PDE4DIP: variants seen among roughly 807,000 people sequenced by gnomAD.
PDE4DIP encodes myomegalin.
A neutral mutation model predicts 221.4 loss-of-function variants in PDE4DIP; 59 were observed. The observed-to-expected ratio is 0.27, with a 90% CI of 0.22 to 0.33. PDE4DIP has a LOEUF of 0.33. PDE4DIP is among the 10% of genes least tolerant of loss of function. PDE4DIP has a pLI of 1.00. For synonymous variants in PDE4DIP, 404 were observed against 815.9 expected (o/e 0.50, Z 8.60); for missense variants, 1,036 against 2,154.2 (o/e 0.48, Z 10.28).
intron 5 of PDE4DIP, chr1:148,952,126 A>C (rs1249289974): frequency 9.7e-7 from 1 of 1,026,424 alleles, no homozygotes; most frequent in Admixed American, 5.8e-5. Flanking sequence ...AGGCGGGAGG[A>C]TCCTTGAGGG....
At chr1:148,824,136 A>G (rs1670048096) in intron 1 of PDE4DIP, among the ~76,000 whole-genome samples, 2 of 146,110 alleles carry the variant, frequency 1.4e-5, no homozygotes, top group Admixed American at 1.4e-4. Flanking sequence ...ACAGTTTTGG[A>G]GGGTCAGAAA....
intron 30 of PDE4DIP, among the ~76,000 whole-genome samples, 176 bp downstream of exon 33, chr1:149,009,967 A>G (rs1469081464): frequency 1.3e-5 from 2 of 152,106 alleles, no homozygotes; most frequent in Non-Finnish European, 2.9e-5. Context: ...TCTACAAGTT[A>G]CCTCTGTCAC....
upstream of PDE4DIP, among the ~76,000 whole-genome samples, chr1:148,888,482 CAGGT>C (rs1553432878): frequency 7.0e-6 from 1 of 143,698 alleles, no homozygotes; most frequent in East Asian, 2.1e-4. Context: ...GAATGAAAAG[CAGGT>C]AGGTTGGGGA....
intron 5 of PDE4DIP, among the ~76,000 whole-genome samples, chr1:148,959,025 A>T (rs2056161745): frequency 6.6e-6 from 1 of 150,924 alleles, no homozygotes. Context: ...CCTCATAAAG[A>T]CCTTTCTCTG....
chr1:149,029,703 C>G, intron 41 of PDE4DIP, 84 bp from the exon 45 acceptor site: 1 of 770,940 alleles, frequency 1.3e-6, no homozygotes, highest in Non-Finnish European at 2.2e-6. Flanking sequence ...CTGTAGAATC[C>G]TTCTTTGAAT....
intron 17 of PDE4DIP, among the ~76,000 whole-genome samples, chr1:148,975,575 C>T (rs2060015827): frequency 6.6e-6 from 1 of 152,168 alleles, no homozygotes; most frequent in African/African-American, 2.4e-5. Flanking sequence ...CCACCTTATG[C>T]TTTAACTCGC....
intron 5 of PDE4DIP, among the ~76,000 whole-genome samples, chr1:148,938,750 G>A (rs1393770544): frequency 4.1e-4 from 62 of 150,994 alleles, no homozygotes; most frequent in Non-Finnish European, 7.7e-4. Flanking sequence ...TACTATTTCC[G>A]TACAAGTGTA....
chr1:148,852,464 A>C (rs2762747), intron 1 of PDE4DIP, among the ~76,000 whole-genome samples: 1 of 21,430 alleles, frequency 4.7e-5, no homozygotes, highest in African/African-American at 1.5e-4. Context: ...AAAAAAAAAA[A>C]AAAAAAAAAA....
chr1:148,881,568 A>G (rs1693680767), intron 3 of PDE4DIP, among the ~76,000 whole-genome samples: 1 of 140,546 alleles, frequency 7.1e-6, no homozygotes, highest in Non-Finnish European at 1.5e-5. Flanking sequence ...AATGAAGAAA[A>G]CAATTTTTTT....
exon 44 of PDE4DIP, chr1:149,031,952 C>T (rs1553638511): frequency 6.2e-7 from 1 of 1,607,660 alleles, no homozygotes; most frequent in Admixed American, 1.7e-5. Context: ...AGGTGAAATC[C>T]CTAAGGGCTC....
At chr1:148,950,708 C>A (rs1273716295) in intron 5 of PDE4DIP, among the ~76,000 whole-genome samples, 1 of 150,556 alleles carries the variant, frequency 6.6e-6, no homozygotes, top group Non-Finnish European at 1.5e-5. Flanking sequence ...AACTCACTCT[C>A]TATTGCAAAG....
intron 38 of PDE4DIP, among the ~76,000 whole-genome samples, chr1:149,025,275 G>C (rs2074792377): frequency 6.6e-6 from 1 of 152,046 alleles, no homozygotes; most frequent in Admixed American, 6.6e-5. Context: ...GTTCCTTCCA[G>C]CTCATTGTGC....
At chr1:148,968,100 A>G (rs1306317918) in intron 13 of PDE4DIP, among the ~76,000 whole-genome samples, 195 bp downstream of exon 16, 1 of 147,274 alleles carries the variant, frequency 6.8e-6, no homozygotes, top group African/African-American at 2.5e-5. Flanking sequence ...AACTTTCTCA[A>G]AGAACTTATG....
At chr1:148,958,956 T>C (rs1351655179) in intron 5 of PDE4DIP, among the ~76,000 whole-genome samples, 1 of 150,306 alleles carries the variant, frequency 6.7e-6, no homozygotes, top group Non-Finnish European at 1.5e-5. Flanking sequence ...CTGCCTGGAT[T>C]GTTCTGCTGA....
intron 1 of PDE4DIP, among the ~76,000 whole-genome samples, chr1:148,893,067 G>C (rs1222634394): frequency 4.9e-5 from 1 of 20,420 alleles, no homozygotes; most frequent in African/African-American, 2.1e-4. Flanking sequence ...GTGTGTGTCT[G>C]TGTGTGTGTG....
chr1:149,014,753 C>T (rs2069837973), intron 32 of PDE4DIP, among the ~76,000 whole-genome samples: 3 of 145,282 alleles, frequency 2.1e-5, no homozygotes, highest in South Asian at 4.6e-4. Flanking sequence ...GCCAAGTTTC[C>T]GTGTGGACAG....
chr1:149,021,273 C>A, intron 37 of PDE4DIP, 120 bp downstream of exon 40: 2 of 750,322 alleles, frequency 2.7e-6, no homozygotes, highest in South Asian at 2.2e-5. Flanking sequence ...TGCAGAAACC[C>A]CCACCCGAGC....
intron 5 of PDE4DIP, among the ~76,000 whole-genome samples, chr1:148,954,894 G>C (rs1553500508): frequency 1.3e-5 from 2 of 152,370 alleles, no homozygotes; most frequent in African/African-American, 4.8e-5. Flanking sequence ...TAGAAAGCCT[G>C]CTACTGGTCA....
At chr1:149,030,139 A>C in intron 42 of PDE4DIP, 93 bp from the exon 46 acceptor site, 1 of 1,102,020 alleles carries the variant, frequency 9.1e-7, no homozygotes. Flanking sequence ...GAATAGCCAG[A>C]AAGAAATAAA....
Sources: gnomAD v4.1 joint callset for allele counts (sites outside exome capture counted in the v4.1 genomes callset) on GRCh38, gnomAD v4.1.1 for gene constraint, MANE v1.5 for transcripts, NCBI Gene and HGNC (gene_info 2026-07-23, HGNC 2026-07-21) for gene names.